Variants in MYO5A observed in about 807,000 individuals in gnomAD.
MYO5A encodes the protein unconventional myosin-Va.
Under a neutral mutation model 249.7 loss-of-function variants are expected in MYO5A, and 98 were observed. That is an observed-to-expected ratio of 0.39 (90% CI 0.33 to 0.46). The LOEUF is 0.46. Ranked by LOEUF, MYO5A falls within the 20% of genes least tolerant of loss-of-function variation. The probability of loss-of-function intolerance (pLI) is 0.98; values close to 1 mark genes in which losing one functional copy is unlikely to be tolerated. For synonymous variants in MYO5A, 778 were observed against 810.6 expected, an observed-to-expected ratio of 0.96 and a Z score of 0.68; for missense variants, 1,696 against 2,308.8, an observed-to-expected ratio of 0.73 and a Z score of 5.44.
chr15:52,407,890 A>C (rs951393810), intron 7 of MYO5A, among the ~76,000 whole-genome samples, 169 bp downstream of exon 7: 2 of 151,756 alleles, frequency 1.3e-5, no homozygotes, highest in Non-Finnish European at 2.9e-5. Context: ...ACAGCCACTT[A>C]CTCCTCCTCT....
At chr15:52,388,051 A>G (rs536070882) in intron 13 of MYO5A, 139 bp from the exon 14 acceptor site, 7 of 683,452 alleles carry the variant, frequency 1.0e-5, no homozygotes, top group Non-Finnish European at 1.8e-5. Context: ...TTTTCCAAGA[A>G]ACCAAGGCCA....
intron 10 of MYO5A, 24 bp from the exon 11 acceptor site, chr15:52,396,421 A>T (rs923849993): frequency 7.6e-7 from 1 of 1,318,328 alleles, no homozygotes; most frequent in Non-Finnish European, 1.1e-6. Context: ...AATAATATGA[A>T]AAGGGGAGAA....
Position 52,340,181 on chromosome 15 carries a change from G to T in MYO5A, c.4239+15C>A. On this transcript the variant is annotated intron_variant, in intron 32 of 41. Transcript: ENST00000399233. ...GCTAGGTTAAGAAGCATGTGGACCC[G>T]GCAGCTCTCCTTACCAAGTTTTCGT... is the stretch of plus-strand genomic sequence containing the variant. 6.2e-7 allele frequency: 1 copy of T among 1,613,888 alleles called. No individual in the cohort carries two copies. The highest frequency in any genetic ancestry group is 1.1e-5 in the South Asian group (1 of 91,032).
chr15:52,490,980 C>CA lies in MYO5A; in HGVS notation c.27+37799dup, dbSNP rs1478911921. Among the ~76,000 whole-genome samples, 26 of 152,238 alleles carry CA rather than the reference C, an allele frequency of 1.7e-4. 1 individual carries two copies. Among genetic ancestry groups the CA allele is most frequent in the Admixed American group, 1.3e-3 (20 of 15,292 alleles). ...AAGGGATCCTCCTGCCCCAGCCTCTCAAAGTGCTGGGATTATAGGTGTGAG... is the reference window on the plus strand; with the variant it reads ...AAGGGATCCTCCTGCCCCAGCCTCTCAAAAGTGCTGGGATTATAGGTGTGAG... On this transcript the variant is annotated intron_variant, in intron 1 of 41. Transcript: ENST00000399233.
At chr15:52,491,161 A>G (rs1456246734) in intron 1 of MYO5A, among the ~76,000 whole-genome samples, 5 of 152,188 alleles carry the variant, frequency 3.3e-5, no homozygotes, top group Admixed American at 1.3e-4. Context: ...AATATTTATT[A>G]AACGCCCAAC....
chr15:52,526,868 T>C (rs2077738915), intron 1 of MYO5A, among the ~76,000 whole-genome samples: 1 of 152,240 alleles, frequency 6.6e-6, no homozygotes, highest in South Asian at 2.1e-4. Context: ...ACTCAGTCTC[T>C]AGTTAAGCAG....
chr15:52,462,624 G>C (rs1317488145), intron 1 of MYO5A, among the ~76,000 whole-genome samples: 1 of 152,172 alleles, frequency 6.6e-6, no homozygotes, highest in East Asian at 1.9e-4. Flanking sequence ...AAGGTGGGCA[G>C]ATTGCCTGAG....
At chr15:52,476,398 G>A (rs1354052807) in intron 1 of MYO5A, among the ~76,000 whole-genome samples, 1 of 152,044 alleles carries the variant, frequency 6.6e-6, no homozygotes, top group African/African-American at 2.4e-5. Flanking sequence ...TTACATTTAA[G>A]GTTAATATTC....
chr15:52,519,790 G>A (rs2077577497), intron 1 of MYO5A, among the ~76,000 whole-genome samples: 1 of 151,772 alleles, frequency 6.6e-6, no homozygotes, highest in Non-Finnish European at 1.5e-5. Flanking sequence ...GAGTGCACCG[G>A]CACGATCTCA....
At chr15:52,504,036 T>C (rs34625912) in intron 1 of MYO5A, among the ~76,000 whole-genome samples, 2 of 143,604 alleles carry the variant, frequency 1.4e-5, no homozygotes, top group Non-Finnish European at 3.0e-5. Flanking sequence ...TCAAAGGCTG[T>C]TGCTGCTGTT....
chr15:52,351,496 A>G lies in MYO5A; in HGVS notation c.3622-15T>C. ...AGTTCTTGACGCTGTATGAAAAGAC[A>G]AAGAAAAGTTCATTGCTGTCATCCT... is the stretch of plus-strand genomic sequence containing the variant. On this transcript the variant is annotated splice_polypyrimidine_tract_variant and intron_variant, in intron 27 of 41. Transcript: ENST00000399233. 6.2e-7 allele frequency: 1 copy of G among 1,609,886 alleles called. No individual in the cohort carries two copies. Among genetic ancestry groups the G allele is most frequent in the Non-Finnish European group, 8.5e-7 (1 of 1,176,184 alleles).
chr15:52,486,822 G>A (rs2076830605), intron 1 of MYO5A, among the ~76,000 whole-genome samples: 1 of 152,146 alleles, frequency 6.6e-6, no homozygotes, highest in Non-Finnish European at 1.5e-5. Context: ...CATGCCCACT[G>A]GAATCATCAA....
In MYO5A at chr15:52,359,973, T is replaced by C; in HGVS notation, c.3418A>G (p.Thr1140Ala). ...GACAGATGTCTAAACTGTACCTCTG[T>C]CCTTGATGGAATGTCTTCCATTTCT... is the stretch of plus-strand genomic sequence containing the variant. ...IAEMEDIPSRTEEPSEKKVPL... is the reference protein window; with the variant it reads ...IAEMEDIPSRAEEPSEKKVPL... The change falls in exon 25 of 42, where the codon ACA becomes GCA. Residue 1140 changes from threonine to alanine, a missense_variant. Physicochemically the swap from Thr to Ala is moderately conservative, Grantham distance 58. Transcript: ENST00000399233. 6.2e-7 allele frequency: 1 copy of C among 1,602,734 alleles called. No homozygotes were observed. Among genetic ancestry groups the C allele is most frequent in the South Asian group, 1.1e-5 (1 of 90,528 alleles).
At chr15:52,512,079 C>T (rs545989081) in intron 1 of MYO5A, among the ~76,000 whole-genome samples, 10 of 150,498 alleles carry the variant, frequency 6.6e-5, no homozygotes, top group Admixed American at 5.3e-4. Flanking sequence ...AGGAGAATGG[C>T]GTGAACCCGG....
At chr15:52,502,237 C>T (rs1471593172) in intron 1 of MYO5A, among the ~76,000 whole-genome samples, 2 of 151,970 alleles carry the variant, frequency 1.3e-5, no homozygotes, top group East Asian at 3.9e-4. Context: ...GAGCCAAGAT[C>T]GCGCCACTGC....
intron 5 of MYO5A, 163 bp downstream of exon 5, chr15:52,415,982 T>C: frequency 1.2e-6 from 1 of 852,800 alleles, no homozygotes; most frequent in Non-Finnish European, 1.8e-6. Flanking sequence ...CCTTACCAAG[T>C]TTTTACTTTC....
At chr15:52,348,606 C>T (rs532240148) in intron 29 of MYO5A, among the ~76,000 whole-genome samples, 5 of 152,258 alleles carry the variant, frequency 3.3e-5, no homozygotes, top group African/African-American at 1.2e-4. Context: ...CATGGAGTCC[C>T]CTCTATAATC....
chr15:52,431,684 T>A (rs1595670774), intron 2 of MYO5A, among the ~76,000 whole-genome samples: 1 of 140,598 alleles, frequency 7.1e-6, no homozygotes, highest in Non-Finnish European at 1.5e-5. Flanking sequence ...GTGCTATATC[T>A]AAAAAAAAAA....
intron 29 of MYO5A, among the ~76,000 whole-genome samples, chr15:52,347,818 T>C (rs1450151515): frequency 1.3e-5 from 2 of 152,220 alleles, no homozygotes; most frequent in African/African-American, 4.8e-5. Flanking sequence ...AGCTATGTTT[T>C]GTAAATATTT....
Sources: gnomAD v4.1 joint callset for allele counts (sites outside exome capture counted in the v4.1 genomes callset) on GRCh38, gnomAD v4.1.1 for gene constraint, MANE v1.5 for transcripts, NCBI Gene and HGNC (gene_info 2026-07-23, HGNC 2026-07-21) for gene names.